The following ANKRD31 variants were observed in gnomAD, a reference collection of about 807,000 sequenced individuals.
ANKRD31 encodes the protein ankyrin repeat domain 31, also known as ankyrin repeat domain-containing protein 31.
Under a neutral mutation model 186.0 loss-of-function variants are expected in ANKRD31, and 147 were observed. That is an observed-to-expected ratio of 0.79 (90% confidence interval 0.69 to 0.91). The LOEUF (loss-of-function observed/expected upper bound fraction) is 0.91, where lower values mean the gene tolerates loss of function less well. Among genes scored for constraint, ANKRD31 ranks in the 40% least tolerant of loss-of-function variants. The probability of loss-of-function intolerance (pLI) is 0.00; values close to 1 mark genes in which losing one functional copy is unlikely to be tolerated. For missense variants in ANKRD31, 1,986 were observed against 2,148.8 expected, an observed-to-expected ratio of 0.92 and a Z score of 1.50; for synonymous variants, 673 against 736.4, an observed-to-expected ratio of 0.91 and a Z score of 1.39.
At chr5:75,103,847 TG>T (rs1031394285) in intron 22 of ANKRD31, among the ~76,000 whole-genome samples, 24 of 152,204 alleles carry the variant, frequency 1.6e-4, no homozygotes, top group African/African-American at 5.5e-4. Flanking sequence ...TGGGGCCTGT[TG>T]GGGAGTGCAG....
intron 10 of ANKRD31, among the ~76,000 whole-genome samples, chr5:75,171,575 A>C (rs1356865699): frequency 1.3e-5 from 2 of 151,944 alleles, no homozygotes; most frequent in African/African-American, 2.4e-5. Context: ...CAAAGAAAAC[A>C]AAAATAAGTA....
chr5:75,080,453 A>G, intron 25 of ANKRD31, 115 bp downstream of exon 25: 1 of 576,940 alleles, frequency 1.7e-6, no homozygotes. Context: ...GCAATTATTT[A>G]TAATATGGAG....
intron 25 of ANKRD31, among the ~76,000 whole-genome samples, chr5:75,069,648 T>C (rs374033573): frequency 6.6e-6 from 1 of 151,896 alleles, no homozygotes; most frequent in African/African-American, 2.4e-5. Context: ...GAGGTTCAAG[T>C]GATTCTCCTG....
chr5:75,123,033 T>C (rs913540501), intron 17 of ANKRD31, among the ~76,000 whole-genome samples: 1 of 152,062 alleles, frequency 6.6e-6, no homozygotes, highest in Non-Finnish European at 1.5e-5. Context: ...CTCGTAAACC[T>C]AGAAAAGCCT....
At chr5:75,217,264 G>A (rs1157078023) in intron 3 of ANKRD31, among the ~76,000 whole-genome samples, 1 of 152,132 alleles carries the variant, frequency 6.6e-6, no homozygotes, top group Admixed American at 6.5e-5. Flanking sequence ...TTGAGTTCAG[G>A]TCCTGAATCT....
chr5:75,142,942 C>T (rs1751157941), intron 15 of ANKRD31, among the ~76,000 whole-genome samples: 1 of 152,142 alleles, frequency 6.6e-6, no homozygotes, highest in Non-Finnish European at 1.5e-5. Context: ...GTAGCTGTAA[C>T]AAATTACCAC....
chr5:75,180,863 G>A (rs1429598656), intron 10 of ANKRD31, among the ~76,000 whole-genome samples: 1 of 152,088 alleles, frequency 6.6e-6, no homozygotes, highest in Non-Finnish European at 1.5e-5. Context: ...AATGGCAACA[G>A]AAGCCAAAAC....
chr5:75,236,278 C>A (rs189183229), intron 1 of ANKRD31, among the ~76,000 whole-genome samples: 23 of 152,224 alleles, frequency 1.5e-4, no homozygotes, highest in African/African-American at 5.5e-4. Flanking sequence ...AAGTTCAGAC[C>A]CAAGATCTTT....
chr5:75,176,802 C>T (rs1162549795), intron 10 of ANKRD31, among the ~76,000 whole-genome samples: 10 of 152,062 alleles, frequency 6.6e-5, no homozygotes, highest in African/African-American at 1.4e-4. Context: ...GCAGAAAAAC[C>T]GGAAACTCTA....
chr5:75,205,038 G>A (rs1756075382), intron 5 of ANKRD31, among the ~76,000 whole-genome samples: 1 of 151,742 alleles, frequency 6.6e-6, no homozygotes, highest in Non-Finnish European at 1.5e-5. Context: ...GGATAATTTT[G>A]TGTGTGTGTA....
At chr5:75,069,527 TTTTTTG>T (rs1049244107) in intron 25 of ANKRD31, among the ~76,000 whole-genome samples, 6 of 151,662 alleles carry the variant, frequency 4.0e-5, no homozygotes, top group East Asian at 3.9e-4. Context: ...ATGTAATGAG[TTTTTTG>T]TTTTTGTTTT....
At chr5:75,173,497 C>G (rs1198102128) in intron 10 of ANKRD31, among the ~76,000 whole-genome samples, 1 of 152,110 alleles carries the variant, frequency 6.6e-6, no homozygotes, top group Non-Finnish European at 1.5e-5. Context: ...GGTCTCAGCC[C>G]AAAATCTCCT....
chr5:75,100,981 T>G (rs1426379825), intron 22 of ANKRD31, among the ~76,000 whole-genome samples: 5 of 152,198 alleles, frequency 3.3e-5, no homozygotes, highest in Non-Finnish European at 5.9e-5. Context: ...GTTAGCTGGT[T>G]ATTTTGCTCG....
At chr5:75,145,585 G>GT (rs550325225) in intron 14 of ANKRD31, among the ~76,000 whole-genome samples, 41 of 152,132 alleles carry the variant, frequency 2.7e-4, no homozygotes, top group African/African-American at 8.7e-4. Flanking sequence ...CTGTCATGGG[G>GT]TGGGGGGGCT....
At chr5:75,114,859 T>C (rs1376575588) in intron 19 of ANKRD31, among the ~76,000 whole-genome samples, 1 of 151,962 alleles carries the variant, frequency 6.6e-6, no homozygotes, top group Admixed American at 6.6e-5. Context: ...TTCAATGCCA[T>C]CCCCATCAAG....
intron 7 of ANKRD31, among the ~76,000 whole-genome samples, chr5:75,195,176 AT>A (rs575425417): frequency 6.6e-4 from 101 of 152,082 alleles, no homozygotes; most frequent in Non-Finnish European, 9.4e-4. Flanking sequence ...CTCCCCTGGC[AT>A]CCCAACTGCA....
At chr5:75,080,682 G>C in intron 24 of ANKRD31, 43 bp from the exon 25 acceptor site, 1 of 1,361,382 alleles carries the variant, frequency 7.3e-7, no homozygotes, top group Non-Finnish European at 1.0e-6. Context: ...TGCTGAATTA[G>C]GGGACTGCTC....
At chr5:75,069,614 T>C (rs538428755) in intron 25 of ANKRD31, among the ~76,000 whole-genome samples, 1 of 152,148 alleles carries the variant, frequency 6.6e-6, no homozygotes, top group African/African-American at 2.4e-5. Flanking sequence ...AGCATGACCT[T>C]GGCTCAGTGC....
At chr5:75,164,338 G>A (rs1752776336) in intron 11 of ANKRD31, among the ~76,000 whole-genome samples, 2 of 152,188 alleles carry the variant, frequency 1.3e-5, no homozygotes, top group South Asian at 4.1e-4. Flanking sequence ...CACAGATACT[G>A]CAACATGATA....
Sources: allele counts gnomAD v4.1 joint callset (sites outside exome capture counted in the v4.1 genomes callset), GRCh38; gene constraint gnomAD v4.1.1; transcripts MANE v1.5; gene names NCBI Gene and HGNC (gene_info 2026-07-23, HGNC 2026-07-21).